The following PRRX1 variants were observed in gnomAD, a reference collection of about 807,000 sequenced individuals.
PRRX1 encodes paired mesoderm homeobox protein 1.
A neutral mutation model predicts 24.0 loss-of-function variants in PRRX1; 8 were observed. The observed-to-expected ratio is 0.33, with a 90% CI of 0.20 to 0.60. PRRX1 has a LOEUF of 0.60. Ranked by LOEUF, PRRX1 falls within the 20% of genes least tolerant of loss-of-function variation. The pLI is 0.82. For synonymous variants in PRRX1, 160 were observed against 131.7 expected (o/e 1.22, Z -1.47); for missense variants, 281 against 322.4 (o/e 0.87, Z 0.98).
chr1:170,698,488 G>T (rs1654249003), intron 1 of PRRX1, among the ~76,000 whole-genome samples: 1 of 152,164 alleles, frequency 6.6e-6, no homozygotes, highest in Admixed American at 6.5e-5. Context: ...AGAATACATA[G>T]GCACTATTCA....
In PRRX1 at chr1:170,726,291, C is replaced by G. The variant is rs1462368009; in HGVS notation, c.489C>G (p.Ser163=). 4.3e-6 allele frequency: 7 copies of G among 1,614,046 alleles called. No homozygotes were observed. The highest frequency in any genetic ancestry group is 5.9e-6 in the Non-Finnish European group (7 of 1,179,950). The change falls in exon 3 of 4, where the codon TCC becomes TCG. Residue 163 remains serine, a synonymous_variant. Coordinates refer to ENST00000239461, the MANE Select transcript of PRRX1 (RefSeq NM_022716.4). ...ERAMLANKNA[S]LLKSYSGDVT... ...CCATGCTAGCCAATAAAAACGCTTCCCTCCTCAAATCCTACTCAGGAGACG... is the reference window on the plus strand; with the variant it reads ...CCATGCTAGCCAATAAAAACGCTTCGCTCCTCAAATCCTACTCAGGAGACG...
intron 1 of PRRX1, among the ~76,000 whole-genome samples, chr1:170,671,408 A>AC (rs1398361013): frequency 2.0e-5 from 3 of 151,968 alleles, no homozygotes; most frequent in Non-Finnish European, 4.4e-5. Flanking sequence ...AGAAACAAAC[A>AC]CCCCCACCCC....
intron 1 of PRRX1, among the ~76,000 whole-genome samples, chr1:170,714,448 T>A (rs1464667757): frequency 2.0e-5 from 3 of 152,228 alleles, no homozygotes; most frequent in Non-Finnish European, 4.4e-5. Flanking sequence ...ATGTGGTAGT[T>A]GGTTTCTGCT....
At chr1:170,683,032 CAG>C (rs1369995792) in intron 1 of PRRX1, among the ~76,000 whole-genome samples, 2 of 152,122 alleles carry the variant, frequency 1.3e-5, no homozygotes, top group Non-Finnish European at 2.9e-5. Context: ...ATGACAAAGT[CAG>C]AGAGATATGT....
At chr1:170,699,869 G>A (rs1367651682) in intron 1 of PRRX1, among the ~76,000 whole-genome samples, 1 of 152,068 alleles carries the variant, frequency 6.6e-6, no homozygotes, top group African/African-American at 2.4e-5. Flanking sequence ...CCAAGTAGCT[G>A]GGATTACAGA....
intron 1 of PRRX1, among the ~76,000 whole-genome samples, chr1:170,696,302 T>C (rs1048014037): frequency 2.6e-5 from 4 of 152,196 alleles, no homozygotes; most frequent in Non-Finnish European, 5.9e-5. Flanking sequence ...TATGTCTATA[T>C]TAGAGAAAAA....
chr1:170,718,800 T>C (rs1654991496), intron 1 of PRRX1, among the ~76,000 whole-genome samples: 1 of 152,154 alleles, frequency 6.6e-6, no homozygotes. Flanking sequence ...TATACATCAC[T>C]CCTGACTGGG....
At chr1:170,716,947 G>A (rs75655724) in intron 1 of PRRX1, among the ~76,000 whole-genome samples, 3,559 of 152,222 alleles carry the variant, frequency 0.023, 140 homozygotes, top group African/African-American at 0.076. Context: ...CATTCTTGGG[G>A]AAAAACAGGG....
In PRRX1 at chr1:170,666,417, C is replaced by CAAAAAAAAAAAA. The variant is rs35075394; in HGVS notation, c.241+1970_241+1981dup. Among the ~76,000 whole-genome samples, 11 of 75,940 alleles carry CAAAAAAAAAAAA rather than the reference C, an allele frequency of 1.4e-4. 1 individual carries two copies. Among genetic ancestry groups the CAAAAAAAAAAAA allele is most frequent in the African/African-American group, 4.7e-4 (9 of 19,052 alleles). The allele number at this position is 75,940 out of a possible 152,430, so 49.8% of individuals were successfully genotyped here. On this transcript the variant is annotated intron_variant, in intron 1 of 3. Coordinates refer to ENST00000239461, the MANE Select transcript of PRRX1 (RefSeq NM_022716.4). ...TGGATGACAGAGTGAGACTCCGTCT[C>CAAAAAAAAAAAA]AAAAAAAAAAAAAAAAAAAAAAAGT... is the stretch of plus-strand genomic sequence containing the variant.
chr1:170,730,293 A>G (rs751639267), intron 3 of PRRX1: 2 of 1,611,580 alleles, frequency 1.2e-6, no homozygotes, highest in Non-Finnish European at 1.7e-6. Context: ...GTCCCTCCCA[A>G]GATGTTGTTT....
intron 3 of PRRX1, among the ~76,000 whole-genome samples, chr1:170,732,234 C>A (rs907678077): frequency 6.6e-6 from 1 of 152,086 alleles, no homozygotes; most frequent in Admixed American, 6.6e-5. Context: ...AGTTAATTAC[C>A]CTCTTTGGAC....
intron 2 of PRRX1, among the ~76,000 whole-genome samples, chr1:170,721,218 CTT>C (rs984290488): frequency 1.2e-4 from 18 of 152,180 alleles, no homozygotes; most frequent in African/African-American, 4.3e-4. Context: ...GCTGAAAGAT[CTT>C]GTCTTCCATA....
intron 1 of PRRX1, among the ~76,000 whole-genome samples, chr1:170,671,861 G>T (rs763195649): frequency 2.0e-5 from 3 of 152,152 alleles, no homozygotes; most frequent in Non-Finnish European, 2.9e-5. Flanking sequence ...TTGTCCCCAT[G>T]GAGCTGTGTG....
intron 1 of PRRX1, among the ~76,000 whole-genome samples, chr1:170,683,457 G>A (rs1042672265): frequency 3.4e-5 from 5 of 145,662 alleles, no homozygotes; most frequent in Admixed American, 1.3e-4. Context: ...ATCTTTCTTA[G>A]TCTCATCTTT....
intron 2 of PRRX1, among the ~76,000 whole-genome samples, chr1:170,720,225 C>A (rs1178574585): frequency 6.6e-5 from 10 of 152,142 alleles, no homozygotes; most frequent in Non-Finnish European, 1.5e-4. Flanking sequence ...TTGCAGTGAG[C>A]TGAGATCACG....
chr1:170,667,726 G>C (rs1271516923), intron 1 of PRRX1: 1 of 152,164 alleles, frequency 6.6e-6, no homozygotes, highest in Non-Finnish European at 1.5e-5. Context: ...AAGTCTACTC[G>C]AGTGGGAAAC....
At chr1:170,716,333 C>T (rs1654905406) in intron 1 of PRRX1, among the ~76,000 whole-genome samples, 1 of 152,108 alleles carries the variant, frequency 6.6e-6, no homozygotes, top group African/African-American at 2.4e-5. Context: ...GCCTGTAATC[C>T]CAGCACTTTG....
At chr1:170,669,651 C>T (rs1653077626) in intron 1 of PRRX1, among the ~76,000 whole-genome samples, 1 of 151,920 alleles carries the variant, frequency 6.6e-6, no homozygotes, top group African/African-American at 2.4e-5. Context: ...ATCCATCAGC[C>T]TACCACACCA....
chr1:170,682,466 A>G (rs898257747), intron 1 of PRRX1, among the ~76,000 whole-genome samples: 3 of 152,170 alleles, frequency 2.0e-5, no homozygotes, highest in Non-Finnish European at 4.4e-5. Context: ...AATTATCATC[A>G]TCTAGGCAAA....
Sources: gnomAD v4.1 joint callset for allele counts (sites outside exome capture counted in the v4.1 genomes callset) on GRCh38, gnomAD v4.1.1 for gene constraint, MANE v1.5 for transcripts, NCBI Gene and HGNC (gene_info 2026-07-23, HGNC 2026-07-21) for gene names.